Variants in NACC1 observed in about 807,000 individuals in gnomAD.
NACC1 encodes the protein nucleus accumbens associated 1.
NACC1 carries 6 observed loss-of-function variants against 41.7 expected under a neutral mutation model. The ratio of observed to expected loss-of-function variants is 0.14; its 90% confidence interval spans 0.08 to 0.28. The LOEUF is 0.28. Ranked by LOEUF, NACC1 falls within the 10% of genes least tolerant of loss-of-function variation. The pLI is 1.00. For missense variants in NACC1, 434 were observed against 763.7 expected (o/e 0.57, Z 5.09); for synonymous variants, 338 against 330.6 (o/e 1.02, Z -0.24).
In NACC1 at chr19:13,129,356, T is replaced by C. The variant is rs1192729726; in HGVS notation, c.-8-5844T>C. Among the ~76,000 whole-genome samples the C allele has an allele frequency of 3.3e-5, 5 of 152,150 alleles. No individual in the cohort carries two copies. The East Asian group carries it at 9.6e-4, about 29-fold the overall frequency. On this transcript the variant is annotated intron_variant, in intron 1 of 5. Transcript: ENST00000292431. ...GACCCGTTTCCTCTGAGTCCAGTCA[T>C]GCTAGCTCCCTTCCTGGGGCTAGCG... is the stretch of plus-strand genomic sequence containing the variant.
chr19:13,135,962 T>C lies in NACC1; in HGVS notation c.755T>C (p.Val252Ala). 1 of 1,604,584 alleles carries C rather than the reference T, an allele frequency of 6.2e-7. No homozygotes were observed. The highest frequency in any genetic ancestry group is 8.5e-7 in the Non-Finnish European group (1 of 1,176,562). ...GGTGGGGTGGCAGCAGCAGGGGGTG[T>C]GGTGAGTGGGCCCAGCACGTCGGAG... ...PAGGVAAAGG[V>A]VSGPSTSERT... The change falls in exon 2 of 6, where the codon GTG becomes GCG. Residue 252 changes from valine to alanine, a missense_variant. Physicochemically the swap from Val to Ala is moderately conservative, Grantham distance 64. Transcript: ENST00000292431.
chr19:13,135,149 G>T, intron 1 of NACC1, 51 bp from the exon 2 acceptor site: 1 of 1,483,810 alleles, frequency 6.7e-7, no homozygotes, highest in South Asian at 1.4e-5. Flanking sequence ...TTTGCCGCCT[G>T]ACCCCGTCCC....
At chr19:13,119,874 A>G (rs1163859811) in intron 1 of NACC1, among the ~76,000 whole-genome samples, 2 of 152,060 alleles carry the variant, frequency 1.3e-5, no homozygotes, top group Non-Finnish European at 1.5e-5. Context: ...AGTTCAACTT[A>G]GGCCTTCTCT....
At chr19:13,122,274 C>T (rs957214556) in intron 1 of NACC1, among the ~76,000 whole-genome samples, 3 of 152,040 alleles carry the variant, frequency 2.0e-5, no homozygotes, top group East Asian at 1.9e-4. Flanking sequence ...GTTTCTAAAT[C>T]GAGCAAAGGG....
At chr19:13,128,496 A>G (rs1469004383) in intron 1 of NACC1, among the ~76,000 whole-genome samples, 2 of 152,132 alleles carry the variant, frequency 1.3e-5, no homozygotes, top group East Asian at 1.9e-4. Context: ...CAGAGTTTCA[A>G]TCTGTGAATT....
intron 1 of NACC1, among the ~76,000 whole-genome samples, chr19:13,133,473 G>A (rs1296325839): frequency 2.6e-5 from 4 of 151,952 alleles, no homozygotes; most frequent in Admixed American, 2.6e-4. Flanking sequence ...TCTGCCTCCT[G>A]TCTGCGTGGA....
At position 13,135,324 on chromosome 19, in the gene NACC1, T is replaced by C. The variant is rs1599997738; in HGVS notation, c.117T>C (p.His39=). 1.9e-6 allele frequency: 3 copies of C among 1,613,762 alleles called. No individual in the cohort carries two copies. The highest frequency in any genetic ancestry group is 1.7e-6 in the Non-Finnish European group (2 of 1,180,032). Reference sequence around the variant, plus strand: ...ACGTGTCAGTGGTGGTCAAGGGCCATGCCTTCAAGGCCCACCGGGCCGTGC... The same window carrying C: ...ACGTGTCAGTGGTGGTCAAGGGCCACGCCTTCAAGGCCCACCGGGCCGTGC... ...YCDVSVVVKG[H]AFKAHRAVLA... The change falls in exon 2 of 6, where the codon CAT becomes CAC. Residue 39 remains histidine (H), a synonymous_variant. Transcript: ENST00000292431.
At chr19:13,135,002 A>T (rs1300989254) in intron 1 of NACC1, among the ~76,000 whole-genome samples, 198 bp from the exon 2 acceptor site, 1 of 152,196 alleles carries the variant, frequency 6.6e-6, no homozygotes, top group Non-Finnish European at 1.5e-5. Flanking sequence ...ATTTGACCAC[A>T]TATTGTAAAA....
chr19:13,128,122 G>C (rs1267797105), intron 1 of NACC1, among the ~76,000 whole-genome samples: 1 of 152,210 alleles, frequency 6.6e-6, no homozygotes, highest in East Asian at 1.9e-4. Flanking sequence ...ACTGGAGCCA[G>C]GTCCTGAAAT....
At position 13,137,442 on chromosome 19, in the gene NACC1, T is replaced by C; in HGVS notation, c.1227-36T>C. ...TCCCCATGTCCCCCCCACCACCAAC[T>C]TGAGCGCTGACTCCCTCCATGTCCC... On this transcript the variant is annotated intron_variant, in intron 4 of 5. Coordinates refer to ENST00000292431, the MANE Select transcript of NACC1 (RefSeq NM_052876.4). The surrounding 1 kb of genome is among the most constrained non-coding windows in gnomAD (Gnocchi z 6.1). 6.2e-7 allele frequency: 1 copy of C among 1,608,492 alleles called. No individual in the cohort carries two copies. Among genetic ancestry groups the C allele is most frequent in the Non-Finnish European group, 8.5e-7 (1 of 1,176,262 alleles).
intron 1 of NACC1, among the ~76,000 whole-genome samples, chr19:13,119,462 G>A (rs942405014): frequency 3.3e-5 from 5 of 152,064 alleles, no homozygotes; most frequent in African/African-American, 1.2e-4. Flanking sequence ...TATATCTACA[G>A]GGAGGCAGCC....
chr19:13,128,302 GACAT>G (rs1312799712), intron 1 of NACC1, among the ~76,000 whole-genome samples: 1 of 152,190 alleles, frequency 6.6e-6, no homozygotes, highest in African/African-American at 2.4e-5. Context: ...TTAAACAACA[GACAT>G]TTATATTTCA....
At position 13,136,482 on chromosome 19, in the gene NACC1, T is replaced by A; in HGVS notation, c.1120+77T>A. 1 of 1,488,100 alleles carries A rather than the reference T, an allele frequency of 6.7e-7. No individual in the cohort carries two copies. The highest frequency in any genetic ancestry group is 2.2e-5 in the Admixed American group (1 of 46,320). 92.2% of individuals were successfully genotyped at this position (1,488,100 alleles called of 1,614,324 possible). On this transcript the variant is annotated intron_variant, in intron 3 of 5. Coordinates refer to ENST00000292431, the MANE Select transcript of NACC1 (RefSeq NM_052876.4). This position sits in a 1 kb window ranked among gnomAD's most constrained non-coding sequence, Gnocchi z 5.5. ...GGCCTGGGCTGGGCTGGGCAGCTGG[T>A]TAGGAGCCCCCAGCACCTCAGTTTC...
chr19:13,122,866 C>T (rs1358409186), intron 1 of NACC1, among the ~76,000 whole-genome samples: 5 of 152,182 alleles, frequency 3.3e-5, no homozygotes, highest in African/African-American at 1.2e-4. Flanking sequence ...ATACGACTAA[C>T]AGCAGCTGGC....
At chr19:13,120,111 C>G (rs982389435) in intron 1 of NACC1, among the ~76,000 whole-genome samples, 1 of 152,132 alleles carries the variant, frequency 6.6e-6, no homozygotes, top group Non-Finnish European at 1.5e-5. Context: ...GGGTCAATCC[C>G]CTTTGGGACA....
At chr19:13,122,363 T>C (rs2019506844) in intron 1 of NACC1, among the ~76,000 whole-genome samples, 1 of 152,174 alleles carries the variant, frequency 6.6e-6, no homozygotes, top group Non-Finnish European at 1.5e-5. Flanking sequence ...GTCTCAGCCA[T>C]GAGACTCTGG....
chr19:13,127,251 GT>G (rs1193318315), intron 1 of NACC1, among the ~76,000 whole-genome samples: 6 of 144,408 alleles, frequency 4.2e-5, no homozygotes, highest in African/African-American at 1.5e-4. Context: ...TAATCGCAGG[GT>G]TTTGTGAGGC....
At position 13,135,740 on chromosome 19, in the gene NACC1, G is replaced by A. The variant is rs2019694748; in HGVS notation, c.533G>A (p.Cys178Tyr). Reference sequence around the variant, plus strand: ...CAGCAGGAGTCGGACTCCGTGCAGTGCATGCCCGTGGCCAAGCGGCTGTGG... The same window carrying A: ...CAGCAGGAGTCGGACTCCGTGCAGTACATGCCCGTGGCCAAGCGGCTGTGG... ...TEQQESDSVQ[C>Y]MPVAKRLWDS... The change falls in exon 2 of 6, where the codon TGC becomes TAC. Residue 178 changes from cysteine to tyrosine, a missense_variant. This residue lies in a region of NACC1 where 234 missense variants were observed against 308.3 expected (regional missense o/e 0.76). Coordinates refer to ENST00000292431, the MANE Select transcript of NACC1 (RefSeq NM_052876.4). 1.3e-6 allele frequency: 2 copies of A among 1,558,856 alleles called. No individual in the cohort carries two copies. Among genetic ancestry groups the A allele is most frequent in the African/African-American group, 1.3e-5 (1 of 74,248 alleles).
rs764645348 is a variant in NACC1, at chr19:13,137,371, T to C, written c.1221T>C (p.Phe407=). 1.3e-6 allele frequency: 2 copies of C among 1,594,498 alleles called. No individual in the cohort carries two copies. The highest frequency in any genetic ancestry group is 2.7e-5 in the African/African-American group (2 of 74,298). ...VLLRRLLASF[F]DRNTLANSCG... ...TGCGGCGGCTCCTGGCCTCCTTCTT[T>C]GACCGGTAAGGCCCTTGCCAGAGCC... Residue 407 remains phenylalanine (F), a synonymous_variant, in exon 4 of 6, where the codon TTT becomes TTC. Transcript: ENST00000292431. The surrounding 1 kb of genome is among the most constrained non-coding windows in gnomAD (Gnocchi z 6.1).
Sources: allele counts gnomAD v4.1 joint callset (sites outside exome capture counted in the v4.1 genomes callset), GRCh38; gene constraint gnomAD v4.1.1; regional missense constraint gnomAD v4.1.1; non-coding constraint Gnocchi (gnomAD v3.1); transcripts MANE v1.5; gene names NCBI Gene and HGNC (gene_info 2026-07-23, HGNC 2026-07-21).